Variants in PTGER2 observed in about 807,000 individuals in gnomAD.
PTGER2 encodes prostaglandin E2 receptor EP2 subtype.
Under a neutral mutation model 26.2 loss-of-function variants are expected in PTGER2, and 22 were observed. That is an observed-to-expected ratio of 0.84 (90% CI 0.60 to 1.20). The LOEUF (loss-of-function observed/expected upper bound fraction) is 1.20. PTGER2 is among the 50% of genes most tolerant of loss of function. PTGER2 has a pLI of 0.00. For missense variants in PTGER2, 458 were observed against 475.2 expected, an observed-to-expected ratio of 0.96 and a Z score of 0.34; for synonymous variants, 219 against 208.9, an observed-to-expected ratio of 1.05 and a Z score of -0.42.
chr14:52,315,624 C>T lies in PTGER2; in HGVS notation c.843+233C>T, dbSNP rs150692049. Among the ~76,000 whole-genome samples, 395 of 152,104 alleles carry T rather than the reference C, an allele frequency of 2.6e-3. 4 individuals are homozygous for T. Among genetic ancestry groups the T allele is most frequent in the African/African-American group, 9.1e-3 (376 of 41,486 alleles). On this transcript the variant is annotated intron_variant, in intron 1 of 1. Transcript: ENST00000245457. Reference sequence around the variant, plus strand: ...GAGTTTCTTATACAATAATACAGACCGTCCGAAAGGGAGTCCTGGGCCTCA... The same window carrying T: ...GAGTTTCTTATACAATAATACAGACTGTCCGAAAGGGAGTCCTGGGCCTCA...
Position 52,327,398 on chromosome 14 carries a change from G to T in PTGER2, c.1021G>T (p.Ala341Ser). 6.2e-7 allele frequency: 1 copy of T among 1,613,816 alleles called. No individual in the cohort carries two copies. The highest frequency in any genetic ancestry group is 8.5e-7 in the Non-Finnish European group (1 of 1,179,828). ...TCGGATTTCATTAAGAACACAAGAT[G>T]CAACACAAACTTCCTGTTCTACACA... ...CCRISLRTQD[A>S]TQTSCSTQSD... Residue 341 changes from alanine (A) to serine (S), a missense_variant, in exon 2 of 2, where the codon GCA becomes TCA. Physicochemically the swap from Ala to Ser is moderately conservative, Grantham distance 99. Transcript: ENST00000245457.
chr14:52,315,426 T>G (rs754658607), intron 1 of PTGER2, 35 bp downstream of exon 1: 2 of 1,606,636 alleles, frequency 1.2e-6, no homozygotes, highest in Non-Finnish European at 1.7e-6. Flanking sequence ...AGCCCGGCTC[T>G]GCTCAGCCTT....
intron 1 of PTGER2, among the ~76,000 whole-genome samples, chr14:52,317,595 G>C (rs534012248): frequency 5.9e-5 from 9 of 152,300 alleles, no homozygotes; most frequent in African/African-American, 1.7e-4. Context: ...GAGGGAGTAG[G>C]AGCTTTGCTT....
At position 52,323,660 on chromosome 14, in the gene PTGER2, C is replaced by T. The variant is rs975169985; in HGVS notation, c.844-3561C>T. ...AATTGCATTAAAGATAGAAAAGTAG[C>T]GCAAAAGAATAGTACCTGGTCAGTG... On this transcript the variant is annotated intron_variant, in intron 1 of 1. Transcript: ENST00000245457. 3.3e-5 allele frequency among the ~76,000 whole-genome samples: 5 copies of T among 152,150 alleles called. No homozygotes were observed. In the South Asian group the frequency reaches 6.2e-4, roughly 19 times the overall value.
In PTGER2 at chr14:52,314,848, G is replaced by A. The variant is rs2033817540; in HGVS notation, c.300G>A (p.Val100=). 8 of 1,613,106 alleles carry A rather than the reference G, an allele frequency of 5.0e-6. No homozygotes were observed. The highest frequency in any genetic ancestry group is 1.1e-5 in the South Asian group (1 of 91,078). The part of the protein sequence containing the change: ...LASYARNQTL[V]ALAPESRACT... ...CGTACGCGCGGAACCAGACCCTGGT[G>A]GCACTGGCGCCCGAGAGCCGCGCGT... Residue 100 remains valine, a synonymous_variant, in exon 1 of 2, where the codon GTG becomes GTA. Transcript: ENST00000245457. The surrounding 1 kb of genome is among the most constrained non-coding windows in gnomAD (Gnocchi z 5.7).
rs1213413166 is a variant in PTGER2 at position 52,314,988 on chromosome 14, G to A, written c.440G>A (p.Arg147His). Reference sequence around the variant, plus strand: ...GGGCACCCCTACTTCTACCAGCGCCGCGTCTCGCGCTCCGGGGGCCTGGCC... The same window carrying A: ...GGGCACCCCTACTTCTACCAGCGCCACGTCTCGCGCTCCGGGGGCCTGGCC... ...SIGHPYFYQR[R>H]VSRSGGLAVL... is the part of the protein sequence containing the mutation. The change falls in exon 1 of 2, where the codon CGC (arginine) becomes CAC (histidine). Residue 147 changes from arginine (R) to histidine (H), a missense_variant. Transcript: ENST00000245457. This position sits in a 1 kb window ranked among gnomAD's most constrained non-coding sequence, Gnocchi z 5.7. The A allele has an allele frequency of 6.2e-7, 1 of 1,613,382 alleles. No homozygotes were observed. The highest frequency in any genetic ancestry group is 2.2e-5 in the East Asian group (1 of 44,862).
At chr14:52,320,256 G>A (rs887645530) in intron 1 of PTGER2, among the ~76,000 whole-genome samples, 3 of 152,166 alleles carry the variant, frequency 2.0e-5, no homozygotes, top group Non-Finnish European at 2.9e-5. Flanking sequence ...TTCACTTGAC[G>A]TCTTTTCTCC....
At chr14:52,322,959 T>A (rs560414941) in intron 1 of PTGER2, among the ~76,000 whole-genome samples, 1 of 152,194 alleles carries the variant, frequency 6.6e-6, no homozygotes, top group Non-Finnish European at 1.5e-5. Context: ...AACACATATG[T>A]TTTACAATCA....
intron 1 of PTGER2, among the ~76,000 whole-genome samples, chr14:52,317,974 T>G (rs371156126): frequency 6.6e-6 from 1 of 152,276 alleles, no homozygotes; most frequent in African/African-American, 2.4e-5. Context: ...CATAGCACTT[T>G]AAGCTTTATG....
At chr14:52,320,054 G>T (rs1268754903) in intron 1 of PTGER2, among the ~76,000 whole-genome samples, 1 of 152,142 alleles carries the variant, frequency 6.6e-6, no homozygotes, top group Non-Finnish European at 1.5e-5. Context: ...ATTCTGGTAG[G>T]AATGAAAAAG....
chr14:52,316,296 G>A (rs1566495002), intron 1 of PTGER2, among the ~76,000 whole-genome samples: 2 of 152,142 alleles, frequency 1.3e-5, no homozygotes, highest in African/African-American at 4.8e-5. Context: ...GCCTTGATTT[G>A]GGGCAACTTT....
intron 1 of PTGER2, among the ~76,000 whole-genome samples, 178 bp from the exon 2 acceptor site, chr14:52,327,043 A>G (rs1373304806): frequency 6.6e-6 from 1 of 152,196 alleles, no homozygotes; most frequent in Admixed American, 6.5e-5. Context: ...TACATTCATT[A>G]TGTTACAGTT....
In PTGER2 at chr14:52,314,646, C is replaced by G; in HGVS notation, c.98C>G (p.Ser33Trp). 6.6e-7 allele frequency: 1 copy of G among 1,516,758 alleles called. No homozygotes were observed. The allele number at this position is 1,516,758 out of a possible 1,614,324, so 94.0% of individuals were successfully genotyped here. A position where few individuals can be genotyped will look rare whatever the true frequency, so the allele number is the denominator to read the frequency against. The change falls in exon 1 of 2, where the codon TCG becomes TGG. Residue 33 changes from serine to tryptophan, a missense_variant. Ser to Trp is a radical substitution (Grantham distance 177). Coordinates refer to ENST00000245457, the MANE Select transcript of PTGER2 (RefSeq NM_000956.4). The surrounding 1 kb of genome is among the most constrained non-coding windows in gnomAD (Gnocchi z 5.7). Reference sequence around the variant, plus strand: ...CCAGCCATCAGCTCCGTCATGTTCTCGGCCGGGGTGCTGGGGAACCTCATA... The same window carrying G: ...CCAGCCATCAGCTCCGTCATGTTCTGGGCCGGGGTGCTGGGGAACCTCATA... ...ESPAISSVMF[S>W]AGVLGNLIAL...
chr14:52,323,203 A>T (rs1356638610), intron 1 of PTGER2, among the ~76,000 whole-genome samples: 1 of 152,122 alleles, frequency 6.6e-6, no homozygotes, highest in Non-Finnish European at 1.5e-5. Context: ...GGGAAGGGAG[A>T]AATGCCTCAG....
Position 52,328,284 on chromosome 14 carries a change from T to G in PTGER2, c.*830T>G, listed in dbSNP as rs1442159057. On this transcript the variant is annotated 3_prime_UTR_variant, in exon 2 of 2. Coordinates refer to ENST00000245457, the MANE Select transcript of PTGER2 (RefSeq NM_000956.4). ...GAAGCCAAATATTAGGCTTAAAAAC[T>G]GAAAAATCTGGTTCATTCTTCAGAT... 6.6e-6 allele frequency: 1 copy of G among 152,644 alleles called. No individual in the cohort carries two copies. The highest frequency in any genetic ancestry group is 1.9e-4 in the East Asian group (1 of 5,202). The allele number at this position is 152,644 out of a possible 1,614,324, so 9.5% of individuals were successfully genotyped here.
At chr14:52,318,727 C>T (rs541137003) in intron 1 of PTGER2, among the ~76,000 whole-genome samples, 1 of 152,232 alleles carries the variant, frequency 6.6e-6, no homozygotes, top group African/African-American at 2.4e-5. Flanking sequence ...AGGCATTGTC[C>T]CAAGGTTTGG....
At position 52,314,634 on chromosome 14, in the gene PTGER2, C is replaced by G. The variant is rs760278242; in HGVS notation, c.86C>G (p.Ser29Cys). 1.2e-5 allele frequency: 18 copies of G among 1,514,354 alleles called. No homozygotes were observed. The highest frequency in any genetic ancestry group is 2.8e-5 in the African/African-American group (2 of 71,670). The allele number at this position is 1,514,354 out of a possible 1,614,324, so 93.8% of individuals were successfully genotyped here. Residue 29 changes from serine (S) to cysteine (C), a missense_variant, in exon 1 of 2, where the codon TCC becomes TGC. Ser to Cys is a moderately radical substitution (Grantham distance 112). Coordinates refer to ENST00000245457, the MANE Select transcript of PTGER2 (RefSeq NM_000956.4). This position sits in a 1 kb window ranked among gnomAD's most constrained non-coding sequence, Gnocchi z 5.7. The part of the protein sequence containing the change: ...LPPGESPAIS[S>C]VMFSAGVLGN... ...CCAGGCGAAAGCCCAGCCATCAGCT[C>G]CGTCATGTTCTCGGCCGGGGTGCTG...
rs529203938 is a variant in PTGER2, at chr14:52,328,247, G to A, written c.*793G>A. The A allele has an allele frequency of 2.0e-5, 3 of 152,636 alleles. No homozygotes were observed. The highest frequency in any genetic ancestry group is 2.9e-5 in the Non-Finnish European group (2 of 68,036). 9.5% of individuals were successfully genotyped at this position (152,636 alleles called of 1,614,324 possible). On this transcript the variant is annotated 3_prime_UTR_variant, in exon 2 of 2. Coordinates refer to ENST00000245457, the MANE Select transcript of PTGER2 (RefSeq NM_000956.4). ...ATCCTATTTCTGGGGGAGGATGTAC[G>A]TGGCCATGTATGAAGCCAAATATTA...
chr14:52,314,791 G>T lies in PTGER2; in HGVS notation c.243G>T (p.Gly81=), dbSNP rs1210686280. ...AGCTGGTGTTCACCGACCTGCTCGG[G>T]ACCTGCCTCATCAGCCCAGTGGTAC... ...VTELVFTDLL[G]TCLISPVVLA... Residue 81 remains glycine (G), a synonymous_variant, in exon 1 of 2, where the codon GGG becomes GGT. Transcript: ENST00000245457. This position sits in a 1 kb window ranked among gnomAD's most constrained non-coding sequence, Gnocchi z 5.7. The T allele has an allele frequency of 1.2e-6, 2 of 1,612,418 alleles. No individual in the cohort carries two copies. The highest frequency in any genetic ancestry group is 2.7e-5 in the African/African-American group (2 of 74,920).
Sources: gnomAD v4.1 joint callset for allele counts (sites outside exome capture counted in the v4.1 genomes callset) on GRCh38, gnomAD v4.1.1 for gene constraint, Gnocchi (gnomAD v3.1) non-coding constraint, MANE v1.5 for transcripts, NCBI Gene and HGNC (gene_info 2026-07-23, HGNC 2026-07-21) for gene names.